Variants in GOLGA3 observed in about 807,000 individuals in gnomAD.
The protein encoded by GOLGA3 is golgin subfamily A member 3.
Under a neutral mutation model 169.4 loss-of-function variants are expected in GOLGA3, and 75 were observed. That is an observed-to-expected ratio of 0.44 (90% CI 0.37 to 0.54). GOLGA3 has a LOEUF of 0.54. Among genes scored for constraint, GOLGA3 ranks in the 20% least tolerant of loss-of-function variants. The pLI is 0.00. For synonymous variants in GOLGA3, 824 were observed against 822.4 expected (o/e 1.00, Z -0.03); for missense variants, 1,899 against 1,930.0 (o/e 0.98, Z 0.30).
intron 6 of GOLGA3, among the ~76,000 whole-genome samples, chr12:132,806,539 G>C (rs1033950348): frequency 6.6e-6 from 1 of 152,250 alleles, no homozygotes; most frequent in Non-Finnish European, 1.5e-5. Flanking sequence ...ACTGTGAGCA[G>C]CTCCAGCCCT....
chr12:132,798,596 G>T, intron 8 of GOLGA3, 119 bp from the exon 9 acceptor site: 1 of 598,584 alleles, frequency 1.7e-6, no homozygotes, highest in Non-Finnish European at 2.6e-6. Flanking sequence ...TGTCTCCCAC[G>T]CAAGCCCCAC....
intron 13 of GOLGA3, among the ~76,000 whole-genome samples, chr12:132,788,165 A>G (rs2046026268): frequency 1.3e-5 from 2 of 151,566 alleles, no homozygotes; most frequent in African/African-American, 2.4e-5. Flanking sequence ...GCGCTAATCC[A>G]TCAGCCCTCA....
Position 132,816,823 on chromosome 12 carries a change from A to T in GOLGA3, c.134-11T>A. The T allele has an allele frequency of 6.3e-7, 1 of 1,578,146 alleles. No homozygotes were observed. The highest frequency in any genetic ancestry group is 8.6e-7 in the Non-Finnish European group (1 of 1,158,538). ...TGTTTACCTCGGCACCTGGAAAGAC[A>T]GAGCACGCTGGACCACCATGGCTTT... On this transcript the variant is annotated splice_polypyrimidine_tract_variant and intron_variant, in intron 2 of 23. Coordinates refer to ENST00000450791, the MANE Select transcript of GOLGA3 (RefSeq NM_001389683.1).
chr12:132,811,813 G>A (rs1169129137), intron 4 of GOLGA3: 1 of 961,870 alleles, frequency 1.0e-6, no homozygotes, highest in Non-Finnish European at 1.2e-6. Flanking sequence ...GAACACGCTG[G>A]TCATTTTATT....
rs2044851562 is a variant in GOLGA3 at position 132,770,485 on chromosome 12, A to G, written c.*2620T>C. ...CGCAGGAAAACCGGGGTGAGAACAT[A>G]GAGCTACTTTTCCTTCGGTATTTTC... On this transcript the variant is annotated 3_prime_UTR_variant, in exon 24 of 24. Transcript: ENST00000450791. 6.6e-6 allele frequency: 1 copy of G among 152,188 alleles called. No individual in the cohort carries two copies. The highest frequency in any genetic ancestry group is 2.1e-4 in the South Asian group (1 of 4,822). 9.4% of individuals were successfully genotyped at this position (152,188 alleles called of 1,614,324 possible).
intron 9 of GOLGA3, among the ~76,000 whole-genome samples, chr12:132,797,596 C>T (rs560148778): frequency 6.6e-6 from 1 of 152,206 alleles, no homozygotes; most frequent in South Asian, 2.1e-4. Context: ...CCTGTAATCC[C>T]AGCTACTCGG....
At chr12:132,807,692 G>C (rs1036167262) in intron 5 of GOLGA3, among the ~76,000 whole-genome samples, 199 bp downstream of exon 5, 1 of 152,168 alleles carries the variant, frequency 6.6e-6, no homozygotes, top group African/African-American at 2.4e-5. Flanking sequence ...ACCTGTTCCA[G>C]TGCGGAGAGC....
Position 132,777,076 on chromosome 12 carries a change from T to C in GOLGA3, c.3737A>G (p.Lys1246Arg), listed in dbSNP as rs2045287840. ...EADDLQIREG[K>R]HSQEIAQFQA... is the part of the protein sequence containing the mutation. ...GAACTGTGCTATCTCCTGGGAATGT[T>C]TCCCCTCCCGAATCCTAGCGTAAAA... is the stretch of plus-strand genomic sequence containing the variant. Residue 1246 changes from lysine (K) to arginine (R), a missense_variant, in exon 20 of 24, where the codon AAA (lysine) becomes AGA (arginine). Physicochemically the swap from Lys to Arg is conservative, Grantham distance 26. Transcript: ENST00000450791. The surrounding 1 kb of genome is among the most constrained non-coding windows in gnomAD (Gnocchi z 4.7). 6.3e-7 allele frequency: 1 copy of C among 1,596,498 alleles called. No homozygotes were observed. Among genetic ancestry groups the C allele is most frequent in the Non-Finnish European group, 8.5e-7 (1 of 1,172,996 alleles).
intron 6 of GOLGA3, among the ~76,000 whole-genome samples, chr12:132,806,694 A>T (rs117975462): frequency 0.019 from 2,914 of 152,356 alleles, 45 homozygotes; most frequent in Middle Eastern, 0.068. Context: ...ATAAATACCT[A>T]GCTCTTCACT....
intron 12 of GOLGA3, among the ~76,000 whole-genome samples, chr12:132,790,729 CT>C (rs996284894): frequency 2.0e-5 from 3 of 151,838 alleles, no homozygotes; most frequent in African/African-American, 7.3e-5. Context: ...TGTGTCTTGA[CT>C]TTGCAGATTA....
At chr12:132,810,187 G>A (rs1337704577) in intron 4 of GOLGA3, among the ~76,000 whole-genome samples, 4 of 152,146 alleles carry the variant, frequency 2.6e-5, no homozygotes, top group Non-Finnish European at 4.4e-5. Context: ...GGTGGAGGTC[G>A]TAATAAGCCG....
chr12:132,781,710 T>C (rs963196706), intron 17 of GOLGA3, among the ~76,000 whole-genome samples: 7 of 152,164 alleles, frequency 4.6e-5, no homozygotes, highest in African/African-American at 1.7e-4. Context: ...CAGCTCGATT[T>C]GGCCCCCAGG....
intron 18 of GOLGA3, among the ~76,000 whole-genome samples, chr12:132,778,496 G>A (rs2045369205): frequency 1.3e-5 from 2 of 151,758 alleles, no homozygotes; most frequent in South Asian, 2.1e-4. Flanking sequence ...GCGTGAACCC[G>A]GGAGGTGGAG....
chr12:132,798,541 T>A lies in GOLGA3; in HGVS notation c.1801-64A>T, dbSNP rs1593306872. The stretch of plus-strand genomic sequence containing the variant: ...TTCAAGCAAGAAATGCAGACCAGCC[T>A]GTCCCTGGAGGCCCCAGGGTGAGGG... On this transcript the variant is annotated intron_variant, in intron 8 of 23. Coordinates refer to ENST00000450791, the MANE Select transcript of GOLGA3 (RefSeq NM_001389683.1). 2.0e-6 allele frequency: 3 copies of A among 1,504,612 alleles called. No individual in the cohort carries two copies. The East Asian group carries it at 6.8e-5, about 34-fold the overall frequency. 93.2% of individuals were successfully genotyped at this position (1,504,612 alleles called of 1,614,324 possible). A position where few individuals can be genotyped will look rare whatever the true frequency, so the allele number is the denominator to read the frequency against.
intron 2 of GOLGA3, among the ~76,000 whole-genome samples, chr12:132,821,099 CAAAAAAA>C (rs61336622): frequency 3.9e-4 from 19 of 49,328 alleles, no homozygotes; most frequent in East Asian, 1.9e-3. Flanking sequence ...GACACCGTCT[CAAAAAAA>C]AAAAAAAAAA....
chr12:132,783,910 A>G, intron 16 of GOLGA3: 1 of 1,431,224 alleles, frequency 7.0e-7, no homozygotes, highest in Non-Finnish European at 9.1e-7. Flanking sequence ...AAGCATTTGA[A>G]CTGAGAAGGG....
At chr12:132,813,128 C>A (rs1307501639) in intron 4 of GOLGA3, among the ~76,000 whole-genome samples, 179 bp downstream of exon 4, 1 of 152,200 alleles carries the variant, frequency 6.6e-6, no homozygotes, top group South Asian at 2.1e-4. Flanking sequence ...CCTCTGAGGT[C>A]ACCCGTGTTT....
chr12:132,807,221 G>C lies in GOLGA3; in HGVS notation c.1246C>G (p.Arg416Gly), dbSNP rs1949451001. 2 of 1,604,634 alleles carry C rather than the reference G, an allele frequency of 1.2e-6. No homozygotes were observed. The highest frequency in any genetic ancestry group is 1.7e-6 in the Non-Finnish European group (2 of 1,174,904). Residue 416 changes from arginine (R) to glycine (G), a missense_variant, in exon 6 of 24, where the codon CGA becomes GGA. By Grantham distance (125) the Arg-to-Gly change is moderately radical. Transcript: ENST00000450791. ...AAGGCTTCCAGCTGTCCTTCGAGTC[G>C]CATTTTCTCTTTGAGCACCTGCAGC... is the stretch of plus-strand genomic sequence containing the variant. ...EMLQVLKEKM[R>G]LEGQLEALSL...
At chr12:132,786,929 G>C (rs1428270800) in intron 13 of GOLGA3, 142 bp from the exon 14 acceptor site, 1 of 640,880 alleles carries the variant, frequency 1.6e-6, no homozygotes, top group Non-Finnish European at 2.8e-6. Context: ...AATCCTGAGA[G>C]AGACGTCTGC....
Sources: allele counts gnomAD v4.1 joint callset (sites outside exome capture counted in the v4.1 genomes callset), GRCh38; gene constraint gnomAD v4.1.1; non-coding constraint Gnocchi (gnomAD v3.1); transcripts MANE v1.5; gene names NCBI Gene and HGNC (gene_info 2026-07-23, HGNC 2026-07-21).